The following DSCC1 variants were observed in gnomAD, a reference collection of about 807,000 sequenced individuals.
DSCC1 encodes sister chromatid cohesion protein DCC1.
A neutral mutation model predicts 48.2 loss-of-function variants in DSCC1; 32 were observed. The observed-to-expected ratio is 0.66, with a 90% CI of 0.50 to 0.89. The LOEUF (loss-of-function observed/expected upper bound fraction) is 0.89, where lower values mean the gene tolerates loss of function less well. DSCC1 is among the 40% of genes least tolerant of loss of function. The pLI is 0.00. For synonymous variants in DSCC1, 150 were observed against 171.5 expected (o/e 0.87, Z 0.98); for missense variants, 421 against 471.7 (o/e 0.89, Z 1.00).
intron 4 of DSCC1, among the ~76,000 whole-genome samples, chr8:119,846,788 G>A (rs558221923): frequency 6.6e-6 from 1 of 152,244 alleles, no homozygotes; most frequent in South Asian, 2.1e-4. Context: ...TCAAACTCCT[G>A]GCCTCAAGTA....
At chr8:119,853,916 T>C (rs1826977149) in intron 1 of DSCC1, among the ~76,000 whole-genome samples, 1 of 152,116 alleles carries the variant, frequency 6.6e-6, no homozygotes, top group Non-Finnish European at 1.5e-5. Context: ...GACAAAGGGA[T>C]TTTGAAGAAA....
At chr8:119,839,973 GGCGTAGAT>G (rs1410666475) in intron 7 of DSCC1, 1 of 152,082 alleles carries the variant, frequency 6.6e-6, no homozygotes, top group African/African-American at 2.4e-5. Context: ...CCTTTCCCAT[GGCGTAGAT>G]CACTCTGCAT....
Position 119,855,647 on chromosome 8 carries a change from GGCT to G in DSCC1, c.146_148del (p.Glu49_Pro50delinsAla). On this transcript the variant is annotated inframe_deletion, in exon 1 of 9. Coordinates refer to ENST00000313655, the MANE Select transcript of DSCC1 (RefSeq NM_024094.3). The stretch of plus-strand genomic sequence containing the variant: ...ATCCTCCAGCTGCTGGCACAGCGTG[GGCT>G]CCAGCTCCAGCAGGCAGAAGTCGCC... 14 of 1,546,924 alleles carry G rather than the reference GGCT, an allele frequency of 9.1e-6. No individual in the cohort carries two copies. The highest frequency in any genetic ancestry group is 1.2e-5 in the Non-Finnish European group (14 of 1,146,492).
At chr8:119,848,989 C>T (rs563915057) in intron 3 of DSCC1, among the ~76,000 whole-genome samples, 2 of 151,966 alleles carry the variant, frequency 1.3e-5, no homozygotes, top group Non-Finnish European at 2.9e-5. Context: ...TCGAGACCAT[C>T]CTGGCTAACA....
At chr8:119,842,675 T>C in intron 6 of DSCC1, 101 bp downstream of exon 6, 1 of 1,097,008 alleles carries the variant, frequency 9.1e-7, no homozygotes, top group Non-Finnish European at 1.4e-6. Context: ...TGTGAGCCAC[T>C]GCACCCAGCC....
At position 119,855,581 on chromosome 8, in the gene DSCC1, A is replaced by G. The variant is rs1276380056; in HGVS notation, c.182+33T>C. On this transcript the variant is annotated intron_variant, in intron 1 of 8. Coordinates refer to ENST00000313655, the MANE Select transcript of DSCC1 (RefSeq NM_024094.3). ...CGCTGAGAAAATAACGTGGCCGGCC[A>G]GAGGCTGGGGGCGCCGCGTGACCAG... 3 of 1,523,880 alleles carry G rather than the reference A, an allele frequency of 2.0e-6. No individual in the cohort carries two copies. The Admixed American group carries it at 6.3e-5, about 32-fold the overall frequency. 94.4% of individuals were successfully genotyped at this position (1,523,880 alleles called of 1,614,324 possible).
intron 5 of DSCC1, among the ~76,000 whole-genome samples, chr8:119,843,122 T>A (rs1011849351): frequency 4.1e-5 from 6 of 147,080 alleles, no homozygotes; most frequent in Middle Eastern, 3.5e-3. Flanking sequence ...TTATTTTATT[T>A]TTTTTTTTTT....
At chr8:119,850,151 G>T (rs1826923606) in intron 3 of DSCC1, among the ~76,000 whole-genome samples, 1 of 152,118 alleles carries the variant, frequency 6.6e-6, no homozygotes. Flanking sequence ...GGATAGAAAG[G>T]GGATAGAAGA....
chr8:119,840,623 G>C (rs993982569), intron 7 of DSCC1, among the ~76,000 whole-genome samples: 2 of 152,182 alleles, frequency 1.3e-5, no homozygotes, highest in South Asian at 4.1e-4. Context: ...CCATTAAACT[G>C]ATTTAAGGCC....
chr8:119,854,235 A>G (rs1826984296), intron 1 of DSCC1, among the ~76,000 whole-genome samples: 1 of 152,104 alleles, frequency 6.6e-6, no homozygotes, highest in Non-Finnish European at 1.5e-5. Context: ...TCTCTCCCCA[A>G]AAAAAAGATA....
chr8:119,834,769 TGAG>T lies in DSCC1; in HGVS notation c.*121_*123del, dbSNP rs1366102112. ...AACAGTAGTTTCAAAATGCTTAAGATGAGGAGAAAAATGCCTTAGAAGACTAGG... is the reference window on the plus strand; with the variant it reads ...AACAGTAGTTTCAAAATGCTTAAGATGAGAAAAATGCCTTAGAAGACTAGG... On this transcript the variant is annotated 3_prime_UTR_variant, in exon 9 of 9. Coordinates refer to ENST00000313655, the MANE Select transcript of DSCC1 (RefSeq NM_024094.3). The T allele has an allele frequency of 4.4e-6, 3 of 683,690 alleles. No homozygotes were observed. The highest frequency in any genetic ancestry group is 5.2e-6 in the Non-Finnish European group (2 of 384,526). 42.4% of individuals were successfully genotyped at this position (683,690 alleles called of 1,614,324 possible).
chr8:119,855,715 G>A lies in DSCC1; in HGVS notation c.81C>T (p.His27=), dbSNP rs759318048. The A allele has an allele frequency of 7.7e-6, 12 of 1,568,024 alleles. No homozygotes were observed. Among genetic ancestry groups the A allele is most frequent in the East Asian group, 7.2e-5 (3 of 41,538 alleles). The change falls in exon 1 of 9, where the codon CAC becomes CAT. Residue 27 remains histidine, a synonymous_variant. Transcript: ENST00000313655. ...LNAAELLPAV[H]CLGFGPGASG... ...TGGCCCCAGGGCCGAAGCCCAGGCA[G>A]TGCACCGCCGGCAGCAGCTCGGCCG...
At chr8:119,847,494 C>T (rs1006721612) in intron 3 of DSCC1, among the ~76,000 whole-genome samples, 13 of 152,064 alleles carry the variant, frequency 8.5e-5, no homozygotes, top group African/African-American at 2.9e-4. Context: ...CTGCCAGGGG[C>T]TGAGGGGACA....
chr8:119,842,490 C>G (rs1304708684), intron 6 of DSCC1, among the ~76,000 whole-genome samples: 2 of 151,694 alleles, frequency 1.3e-5, no homozygotes, highest in Non-Finnish European at 2.9e-5. Flanking sequence ...TCAGGTGATC[C>G]TCCCACCTCG....
At chr8:119,855,512 G>A (rs934224930) in intron 1 of DSCC1, 102 bp downstream of exon 1, 4 of 1,419,846 alleles carry the variant, frequency 2.8e-6, no homozygotes, top group Non-Finnish European at 3.7e-6. Context: ...CCCCGGCCAG[G>A]TCAGTGCATC....
intron 8 of DSCC1, 45 bp from the exon 9 acceptor site, chr8:119,835,046 C>A: frequency 7.7e-7 from 1 of 1,292,568 alleles, no homozygotes; most frequent in South Asian, 1.3e-5. Flanking sequence ...TTTTAGGGAA[C>A]ATATTATGAT....
intron 2 of DSCC1, among the ~76,000 whole-genome samples, chr8:119,851,114 A>T (rs560797183): frequency 1.3e-5 from 2 of 152,216 alleles, no homozygotes; most frequent in Non-Finnish European, 2.9e-5. Flanking sequence ...GAATGGATGA[A>T]TATCTGTTAT....
Position 119,843,659 on chromosome 8 carries a change from A to G in DSCC1, c.666T>C (p.Gly222=). The change falls in exon 5 of 9, where the codon GGT becomes GGC. Residue 222 remains glycine, a synonymous_variant. Transcript: ENST00000313655. ...QLVDSESWSF[G]KVPLNTCLQE... is the part of the protein sequence containing the mutation. ...GAAGGCATGTGTTCAAAGGAACTTT[A>G]CCAAAAGACCATGATTCAGAATCCA... 1.2e-6 allele frequency: 2 copies of G among 1,614,110 alleles called. No homozygotes were observed. The highest frequency in any genetic ancestry group is 1.6e-4 in the Middle Eastern group (1 of 6,062).
Position 119,846,966 on chromosome 8 carries a change from T to TA in DSCC1, c.577+23dup, listed in dbSNP as rs760399441. The TA allele has an allele frequency of 6.0e-5, 96 of 1,606,808 alleles. 1 individual carries two copies. The Middle Eastern group carries it at 6.6e-4, about 11-fold the overall frequency. On this transcript the variant is annotated intron_variant, in intron 4 of 8. Transcript: ENST00000313655. The stretch of plus-strand genomic sequence containing the variant: ...TTATGATGCCCAATTTCATCATTGT[T>TA]AAAATAGTAGTAAGTAACGCTACCT...
Sources: gnomAD v4.1 joint callset for allele counts (sites outside exome capture counted in the v4.1 genomes callset) on GRCh38, gnomAD v4.1.1 for gene constraint, MANE v1.5 for transcripts, NCBI Gene and HGNC (gene_info 2026-07-23, HGNC 2026-07-21) for gene names.